DGKB: variants seen among roughly 807,000 people sequenced by gnomAD.
DGKB encodes the protein diacylglycerol kinase beta, also known as 90 kDa diacylglycerol kinase.
In DGKB, 67 loss-of-function variants were observed where a neutral mutation model predicts 114.3. That is an observed-to-expected ratio of 0.59 (90% CI 0.48 to 0.72). The LOEUF is 0.72. Among genes scored for constraint, DGKB ranks in the 30% least tolerant of loss-of-function variants. The pLI is 0.00. For missense variants in DGKB, 907 were observed against 975.2 expected (o/e 0.93, Z 0.93); for synonymous variants, 398 against 323.1 (o/e 1.23, Z -2.49).
intron 2 of DGKB, among the ~76,000 whole-genome samples, chr7:14,801,674 C>T (rs1031531877): frequency 7.2e-5 from 11 of 151,952 alleles, no homozygotes; most frequent in Non-Finnish European, 1.5e-4. Flanking sequence ...CAGTTCCCCC[C>T]GTCTCAGGAT....
intron 5 of DGKB, among the ~76,000 whole-genome samples, chr7:14,721,761 T>C (rs1829207897): frequency 6.6e-6 from 1 of 152,134 alleles, no homozygotes; most frequent in Non-Finnish European, 1.5e-5. Context: ...TTTGGAATGA[T>C]TTATAGAGTG....
chr7:14,711,170 T>C (rs1827296187), intron 6 of DGKB, among the ~76,000 whole-genome samples: 1 of 152,094 alleles, frequency 6.6e-6, no homozygotes, highest in South Asian at 2.1e-4. Flanking sequence ...ATATTTTAAA[T>C]AATTTATTCC....
chr7:14,949,958 G>A (rs993120688), intron 1 of DGKB, among the ~76,000 whole-genome samples: 5 of 151,730 alleles, frequency 3.3e-5, no homozygotes. Flanking sequence ...GTTGTGGGGT[G>A]GGGGGAGTGG....
chr7:14,869,131 C>G (rs1001344381), intron 1 of DGKB, among the ~76,000 whole-genome samples: 1 of 152,012 alleles, frequency 6.6e-6, no homozygotes, highest in South Asian at 2.1e-4. Flanking sequence ...AATAACCAAG[C>G]CCATACAGAT....
At chr7:14,308,562 A>G (rs1448475401) in intron 23 of DGKB, among the ~76,000 whole-genome samples, 1 of 152,178 alleles carries the variant, frequency 6.6e-6, no homozygotes, top group Non-Finnish European at 1.5e-5. Flanking sequence ...ATCTTCTTTA[A>G]TATTATATGA....
At chr7:14,164,057 A>G (rs991358938) in intron 25 of DGKB, among the ~76,000 whole-genome samples, 2 of 152,102 alleles carry the variant, frequency 1.3e-5, no homozygotes, top group Admixed American at 1.3e-4. Flanking sequence ...CAACAACAAC[A>G]AAAAATACTG....
At chr7:14,896,989 C>A (rs1233430365) in intron 1 of DGKB, among the ~76,000 whole-genome samples, 1 of 151,772 alleles carries the variant, frequency 6.6e-6, no homozygotes, top group African/African-American at 2.4e-5. Context: ...GCCCAGCTGC[C>A]TCACTGGGGG....
chr7:14,301,741 A>G (rs1803586561), intron 23 of DGKB, among the ~76,000 whole-genome samples: 1 of 152,110 alleles, frequency 6.6e-6, no homozygotes. Flanking sequence ...CTAATAAGAG[A>G]GTAAAAAAAT....
chr7:14,358,357 C>A (rs1815000611), intron 21 of DGKB, among the ~76,000 whole-genome samples: 1 of 152,156 alleles, frequency 6.6e-6, no homozygotes, highest in African/African-American at 2.4e-5. Flanking sequence ...ATCACCGATA[C>A]CCTTTCTTCC....
chr7:14,717,002 G>T (rs1828301353), intron 6 of DGKB, among the ~76,000 whole-genome samples: 1 of 150,160 alleles, frequency 6.7e-6, no homozygotes, highest in Non-Finnish European at 1.5e-5. Context: ...GAAACTCAAA[G>T]AAAAAAACAG....
At chr7:14,265,709 G>GT (rs1369382030) in intron 23 of DGKB, among the ~76,000 whole-genome samples, 2 of 152,084 alleles carry the variant, frequency 1.3e-5, no homozygotes, top group African/African-American at 4.8e-5. Flanking sequence ...CAAGAACTGT[G>GT]TCTGTTTTTC....
At chr7:14,856,253 A>G (rs1346186117) in intron 1 of DGKB, among the ~76,000 whole-genome samples, 4 of 152,144 alleles carry the variant, frequency 2.6e-5, no homozygotes, top group Non-Finnish European at 4.4e-5. Flanking sequence ...TAAAATTTGA[A>G]AACTACCTCA....
At chr7:14,814,169 A>T (rs1843787752) in intron 2 of DGKB, 1 of 152,142 alleles carries the variant, frequency 6.6e-6, no homozygotes, top group South Asian at 2.1e-4. Flanking sequence ...ATTCTATTTA[A>T]TGGGATATAA....
rs1232068003 is a variant in DGKB at position 14,418,315 on chromosome 7, GTATGTATA to G, written c.1835+59838_1835+59845del. 1.5e-4 allele frequency among the ~76,000 whole-genome samples: 21 copies of G among 137,108 alleles called. No individual in the cohort carries two copies. The Admixed American group carries it at 1.6e-3, about 10-fold the overall frequency. 89.9% of individuals were successfully genotyped at this position (137,108 alleles called of 152,430 possible). On this transcript the variant is annotated intron_variant, in intron 21 of 25. Coordinates refer to ENST00000402815, the MANE Select transcript of DGKB (RefSeq NM_001350709.2). The stretch of plus-strand genomic sequence containing the variant: ...TATATACATATATGTATGTATATAT[GTATGTATA>G]TATGTATATATATACACACACATAT...
chr7:14,421,699 A>C (rs2128765576), intron 21 of DGKB, among the ~76,000 whole-genome samples: 1 of 152,204 alleles, frequency 6.6e-6, no homozygotes, highest in South Asian at 2.1e-4. Flanking sequence ...TACTTTTAAA[A>C]AGCTCTAAAA....
chr7:14,801,341 C>T (rs545855086), intron 2 of DGKB, among the ~76,000 whole-genome samples: 1 of 152,088 alleles, frequency 6.6e-6, no homozygotes, highest in Non-Finnish European at 1.5e-5. Flanking sequence ...AAGGGGTGTG[C>T]ATGGGTGCTC....
At chr7:14,423,691 C>A (rs1046890636) in intron 21 of DGKB, among the ~76,000 whole-genome samples, 1 of 152,136 alleles carries the variant, frequency 6.6e-6, no homozygotes, top group Admixed American at 6.6e-5. Context: ...ACGAAGTTAA[C>A]AGAGATAATT....
At chr7:14,703,863 T>A (rs1825657421) in intron 6 of DGKB, among the ~76,000 whole-genome samples, 1 of 152,182 alleles carries the variant, frequency 6.6e-6, no homozygotes, top group Admixed American at 6.5e-5. Flanking sequence ...TAAACCCGTT[T>A]CTATGTCTTT....
At chr7:14,884,282 A>C (rs11763864) in intron 1 of DGKB, among the ~76,000 whole-genome samples, 4 of 151,768 alleles carry the variant, frequency 2.6e-5, no homozygotes, top group African/African-American at 9.7e-5. Flanking sequence ...TTTCTCTTAT[A>C]CTATATCCAT....
Sources: allele counts gnomAD v4.1 joint callset (sites outside exome capture counted in the v4.1 genomes callset), GRCh38; gene constraint gnomAD v4.1.1; transcripts MANE v1.5; gene names NCBI Gene and HGNC (gene_info 2026-07-23, HGNC 2026-07-21).